HMGA2: variants seen among roughly 807,000 people sequenced by gnomAD.
HMGA2 encodes high mobility group AT-hook 2.
In HMGA2, 8 loss-of-function variants were observed where a neutral mutation model predicts 19.1. That is an observed-to-expected ratio of 0.42 (90% CI 0.25 to 0.76). The LOEUF is 0.76. Among genes scored for constraint, HMGA2 ranks in the 30% least tolerant of loss-of-function variants. HMGA2 has a pLI of 0.28. For synonymous variants in HMGA2, 60 were observed against 48.8 expected, an observed-to-expected ratio of 1.23 and a Z score of -0.96; for missense variants, 109 against 136.3, an observed-to-expected ratio of 0.80 and a Z score of 1.00.
chr12:65,850,006 A>G, intron 3 of HMGA2, among the ~76,000 whole-genome samples: 1 of 152,106 alleles, frequency 6.6e-6, no homozygotes, highest in African/African-American at 2.4e-5. Context: ...GGCGTGAGCC[A>G]CTGTGCCTAG....
chr12:65,829,430 A>AT (rs1870377901), intron 2 of HMGA2, among the ~76,000 whole-genome samples: 1 of 152,080 alleles, frequency 6.6e-6, no homozygotes, highest in Non-Finnish European at 1.5e-5. Context: ...CATTTGTTTC[A>AT]TTTTATCTCA....
chr12:65,854,791 A>G (rs1365803690), intron 3 of HMGA2, among the ~76,000 whole-genome samples: 1 of 152,214 alleles, frequency 6.6e-6, no homozygotes, highest in Non-Finnish European at 1.5e-5. Flanking sequence ...CCATGATGAC[A>G]TACACTAAAT....
At chr12:65,863,016 A>AT (rs1872192614) in intron 3 of HMGA2, among the ~76,000 whole-genome samples, 1 of 152,188 alleles carries the variant, frequency 6.6e-6, no homozygotes, top group African/African-American at 2.4e-5. Flanking sequence ...AGCTCATGGT[A>AT]ATTGGCATGG....
At chr12:65,889,592 G>A (rs961526982) in intron 3 of HMGA2, among the ~76,000 whole-genome samples, 12 of 152,194 alleles carry the variant, frequency 7.9e-5, no homozygotes, top group Non-Finnish European at 1.3e-4. Flanking sequence ...TTTGCAGAAT[G>A]GTGAGTGAAT....
intron 3 of HMGA2, among the ~76,000 whole-genome samples, chr12:65,913,033 C>T (rs2121218184): frequency 6.6e-6 from 1 of 152,246 alleles, no homozygotes; most frequent in Admixed American, 6.5e-5. Context: ...TTGAAAACAC[C>T]TTCAGAGGAG....
chr12:65,859,556 C>T (rs1043601753), intron 3 of HMGA2: 1 of 152,252 alleles, frequency 6.6e-6, no homozygotes, highest in African/African-American at 2.4e-5. Context: ...AACACTTTCT[C>T]ACCTTCACTT....
chr12:65,961,222 G>C (rs1436588584), intron 4 of HMGA2, among the ~76,000 whole-genome samples: 1 of 152,200 alleles, frequency 6.6e-6, no homozygotes, highest in African/African-American at 2.4e-5. Context: ...AGAATGAGAA[G>C]TGAATCATCT....
At chr12:65,827,505 A>G (rs1406655583) in intron 1 of HMGA2, among the ~76,000 whole-genome samples, 2 of 152,152 alleles carry the variant, frequency 1.3e-5, no homozygotes, top group Admixed American at 6.5e-5. Context: ...CAGTTGAATC[A>G]TAATCCACCT....
chr12:65,894,416 C>T (rs1874040452), intron 3 of HMGA2, among the ~76,000 whole-genome samples: 1 of 152,182 alleles, frequency 6.6e-6, no homozygotes, highest in Admixed American at 6.5e-5. Context: ...GAGATGTACA[C>T]TCCATTTATA....
intron 3 of HMGA2, among the ~76,000 whole-genome samples, chr12:65,878,866 T>C (rs1367908728): frequency 6.6e-6 from 1 of 152,210 alleles, no homozygotes; most frequent in East Asian, 1.9e-4. Flanking sequence ...AGATCACAGT[T>C]TACAAGCTAT....
chr12:65,938,987 A>G (rs1299975425), intron 3 of HMGA2, among the ~76,000 whole-genome samples: 1 of 151,942 alleles, frequency 6.6e-6, no homozygotes, highest in African/African-American at 2.4e-5. Flanking sequence ...TCTAACAAGC[A>G]CTCTTTTATG....
At chr12:65,838,465 A>G in intron 2 of HMGA2, 54 bp from the exon 3 acceptor site, 1 of 1,301,106 alleles carries the variant, frequency 7.7e-7, no homozygotes, top group South Asian at 1.2e-5. Flanking sequence ...TTGGTGCAGT[A>G]CTTATAAACA....
At chr12:65,844,889 T>G (rs1207872476) in intron 3 of HMGA2, among the ~76,000 whole-genome samples, 2 of 152,230 alleles carry the variant, frequency 1.3e-5, no homozygotes, top group African/African-American at 4.8e-5. Context: ...TAAAAATATC[T>G]TATTTCTCCA....
intron 3 of HMGA2, among the ~76,000 whole-genome samples, chr12:65,892,993 A>C (rs1215057082): frequency 6.6e-6 from 1 of 152,170 alleles, no homozygotes; most frequent in Non-Finnish European, 1.5e-5. Context: ...CTGCATCAAA[A>C]AGTGTAAAGA....
intron 2 of HMGA2, among the ~76,000 whole-genome samples, chr12:65,834,664 T>C (rs1229046340): frequency 6.8e-6 from 1 of 147,970 alleles, no homozygotes; most frequent in East Asian, 2.2e-4. Context: ...TCAACAAGTA[T>C]ATAGTGAACA....
rs546151131 is a variant in HMGA2 at position 65,933,153 on chromosome 12, T to C, written c.250-18230T>C. ...ATCATGATTACACTCCTATCTAGTA[T>C]AATTTGAAGATAAAGTAGGGCCTTT... On this transcript the variant is annotated intron_variant, in intron 3 of 4. Transcript: ENST00000403681. Among the ~76,000 whole-genome samples the C allele has an allele frequency of 2.0e-5, 3 of 152,174 alleles. No individual in the cohort carries two copies. The East Asian group carries it at 5.8e-4, about 29-fold the overall frequency.
intron 2 of HMGA2, among the ~76,000 whole-genome samples, chr12:65,837,374 C>G (rs932826305): frequency 6.6e-6 from 1 of 152,066 alleles, no homozygotes; most frequent in Non-Finnish European, 1.5e-5. Context: ...TTGTTTTTAC[C>G]AGGCAGATTG....
chr12:65,953,166 T>G (rs1876512241), intron 4 of HMGA2: 1 of 152,224 alleles, frequency 6.6e-6, no homozygotes, highest in African/African-American at 2.4e-5. Flanking sequence ...GTTTATTTGG[T>G]CTGGAGATCC....
intron 2 of HMGA2, chr12:65,828,362 G>A (rs1870315243): frequency 1.4e-4 from 26 of 184,944 alleles, no homozygotes; most frequent in Admixed American, 2.5e-4. Context: ...AGTGAGGAAG[G>A]AAGGGGTTGC....
Sources: allele counts gnomAD v4.1 joint callset (sites outside exome capture counted in the v4.1 genomes callset), GRCh38; gene constraint gnomAD v4.1.1; transcripts MANE v1.5; gene names NCBI Gene and HGNC (gene_info 2026-07-23, HGNC 2026-07-21).